Variants in MYO18B observed in about 807,000 individuals in gnomAD.
The protein encoded by MYO18B is unconventional myosin-XVIIIb.
MYO18B carries 204 observed loss-of-function variants against 273.0 expected under a neutral mutation model. The observed-to-expected ratio is 0.75, with a 90% CI of 0.67 to 0.84. MYO18B has a LOEUF of 0.84. Among genes scored for constraint, MYO18B ranks in the 40% least tolerant of loss-of-function variants. The pLI is 0.00. For missense variants in MYO18B, 3,212 were observed against 3,287.6 expected (o/e 0.98, Z 0.56); for synonymous variants, 1,330 against 1,305.7 (o/e 1.02, Z -0.40).
At chr22:25,836,661 TAAG>T (rs1244373640) in intron 17 of MYO18B, among the ~76,000 whole-genome samples, 5 of 152,092 alleles carry the variant, frequency 3.3e-5, no homozygotes, top group African/African-American at 9.7e-5. Flanking sequence ...ACTAGGCACT[TAAG>T]AAGGCAAATG....
At chr22:25,934,305 A>G (rs564819030) in intron 34 of MYO18B, among the ~76,000 whole-genome samples, 2 of 152,170 alleles carry the variant, frequency 1.3e-5, no homozygotes, top group Admixed American at 6.5e-5. Context: ...CTTGATTTTG[A>G]TGTAATCTAA....
At chr22:25,989,838 A>G (rs1488552858) in intron 39 of MYO18B, among the ~76,000 whole-genome samples, 3 of 151,134 alleles carry the variant, frequency 2.0e-5, no homozygotes, top group South Asian at 4.2e-4. Context: ...TTTTGCACCT[A>G]GCTGTTTTCT....
intron 40 of MYO18B, among the ~76,000 whole-genome samples, chr22:25,997,331 C>CAAAAAAAAAA (rs1182586585): frequency 1.3e-5 from 1 of 79,288 alleles, no homozygotes; most frequent in African/African-American, 5.3e-5. Context: ...AAAAAAAAAA[C>CAAAAAAAAAA]GAAGGAAAAA....
At chr22:25,809,383 A>G (rs2088630825) in intron 12 of MYO18B, among the ~76,000 whole-genome samples, 1 of 152,186 alleles carries the variant, frequency 6.6e-6, no homozygotes, top group South Asian at 2.1e-4. Context: ...GGAACTCAAA[A>G]TAGTGACAAG....
At chr22:25,835,203 G>T in intron 16 of MYO18B, 93 bp from the exon 17 acceptor site, 1 of 1,441,060 alleles carries the variant, frequency 6.9e-7, no homozygotes, top group Non-Finnish European at 9.2e-7. Flanking sequence ...TTGGGACTTG[G>T]ATGCTCTCAT....
At chr22:25,781,099 C>T (rs960972307) in intron 9 of MYO18B, among the ~76,000 whole-genome samples, 2 of 152,178 alleles carry the variant, frequency 1.3e-5, no homozygotes, top group African/African-American at 4.8e-5. Context: ...CCCTTAATCA[C>T]TATTTGGGTT....
the MYO18B span, among the ~76,000 whole-genome samples, chr22:26,037,002 C>T: frequency 2.0e-5 from 3 of 152,202 alleles, no homozygotes; most frequent in Non-Finnish European, 4.4e-5. Flanking sequence ...TGGGCTCTAT[C>T]TCCAAATACA....
At chr22:26,041,693 A>G in the MYO18B span, among the ~76,000 whole-genome samples, 1 of 152,146 alleles carries the variant, frequency 6.6e-6, no homozygotes, top group Non-Finnish European at 1.5e-5. Flanking sequence ...AATTAGGGAG[A>G]CCAGTTTGGA....
chr22:25,848,115 C>T (rs182112940), intron 20 of MYO18B, among the ~76,000 whole-genome samples: 3 of 152,138 alleles, frequency 2.0e-5, no homozygotes, highest in African/African-American at 7.2e-5. Context: ...CTGTGTCTTC[C>T]TTTTAGCCAT....
chr22:25,990,709 A>G (rs1601772924), intron 39 of MYO18B, among the ~76,000 whole-genome samples: 1 of 40,278 alleles, frequency 2.5e-5, no homozygotes, highest in South Asian at 6.0e-4. Context: ...AAAAAAAAAA[A>G]AAAAAAAAAA....
intron 34 of MYO18B, among the ~76,000 whole-genome samples, chr22:25,933,937 A>G: frequency 6.6e-6 from 1 of 152,210 alleles, no homozygotes; most frequent in Admixed American, 6.5e-5. Context: ...ACCTGTAGAC[A>G]TTTACATTCC....
intron 39 of MYO18B, among the ~76,000 whole-genome samples, chr22:25,989,666 C>T (rs776642788): frequency 2.9e-5 from 4 of 135,886 alleles, no homozygotes; most frequent in South Asian, 2.4e-4. Context: ...AGCGTGGTGG[C>T]AGGTGCCTGT....
the MYO18B span, among the ~76,000 whole-genome samples, chr22:26,059,620 T>C: frequency 6.6e-6 from 1 of 152,224 alleles, no homozygotes; most frequent in East Asian, 1.9e-4. Context: ...AGCAGCTGTC[T>C]GCACCACTTT....
chr22:25,988,693 G>T lies in MYO18B; in HGVS notation c.6157-3670G>T, dbSNP rs57973963. ...TCCACAGTGACCTGGGGATGACACT[G>T]TTCTTCCTGAGACTCCTTCTCCTAT... On this transcript the variant is annotated intron_variant, in intron 39 of 43. Coordinates refer to ENST00000335473, the MANE Select transcript of MYO18B (RefSeq NM_032608.7). Among the ~76,000 whole-genome samples, 209 of 152,290 alleles carry T rather than the reference G, an allele frequency of 1.4e-3. 3 individuals carry two copies. In the South Asian group the frequency reaches 0.025, roughly 18 times the overall value.
In MYO18B at chr22:25,890,834, G is replaced by A; in HGVS notation, c.4393G>A (p.Ala1465Thr). Residue 1465 changes from alanine (A) to threonine (T), a missense_variant, in exon 26 of 44, where the codon GCA (alanine) becomes ACA (threonine). Ala to Thr is a moderately conservative substitution (Grantham distance 58, BLOSUM62 0). Transcript: ENST00000335473. ...VACQVLESER[A>T]ERLQAFREVQ... ...CTGCCAGGTGCTGGAGAGTGAGCGG[G>A]CAGAGCGGCTACAGGCCTTCCGGGA... 1 of 1,613,966 alleles carries A rather than the reference G, an allele frequency of 6.2e-7. No individual in the cohort carries two copies. Among genetic ancestry groups the A allele is most frequent in the Non-Finnish European group, 8.5e-7 (1 of 1,179,892 alleles).
At chr22:25,928,238 C>T (rs2092448418) in intron 34 of MYO18B, among the ~76,000 whole-genome samples, 1 of 151,908 alleles carries the variant, frequency 6.6e-6, no homozygotes, top group South Asian at 2.1e-4. Context: ...TAGAAAGCTA[C>T]TGAGCAGAGG....
rs1039149387 is a variant in MYO18B at position 25,781,757 on chromosome 22, C to T, written c.2235C>T (p.Arg745=). The T allele has an allele frequency of 3.2e-6, 5 of 1,583,870 alleles. No individual in the cohort carries two copies. Among genetic ancestry groups the T allele is most frequent in the Non-Finnish European group, 2.6e-6 (3 of 1,166,310 alleles). ...AGACAATGCTTTTGGAGAAGAGCCGCGTGGCACGGCAGCCGGAAGGGGAAA... is the reference window on the plus strand; with the variant it reads ...AGACAATGCTTTTGGAGAAGAGCCGTGTGGCACGGCAGCCGGAAGGGGAAA... The part of the protein sequence containing the change: ...QLQTMLLEKS[R]VARQPEGESN... Residue 745 remains arginine, a synonymous_variant, in exon 10 of 44, where the codon CGC becomes CGT. Coordinates refer to ENST00000335473, the MANE Select transcript of MYO18B (RefSeq NM_032608.7).
chr22:25,782,242 G>A (rs867111536), intron 10 of MYO18B, among the ~76,000 whole-genome samples: 1 of 152,228 alleles, frequency 6.6e-6, no homozygotes, highest in African/African-American at 2.4e-5. Context: ...TAAATGCTGG[G>A]AGTCAAGGCT....
Position 25,994,389 on chromosome 22 carries a change from C to G in MYO18B, c.6287+1896C>G, listed in dbSNP as rs1008737723. Among the ~76,000 whole-genome samples the G allele has an allele frequency of 2.0e-4, 31 of 152,158 alleles. 1 individual carries two copies. The highest frequency in any genetic ancestry group is 1.8e-3 in the Admixed American group (28 of 15,278). On this transcript the variant is annotated intron_variant, in intron 40 of 43. Transcript: ENST00000335473. Reference sequence around the variant, plus strand: ...GCTGAGGTAGGAGGATCATTTCAACCCAGAAGTTTGAGGCTGTGGTGAGCT... The same window carrying G: ...GCTGAGGTAGGAGGATCATTTCAACGCAGAAGTTTGAGGCTGTGGTGAGCT...
Sources: allele counts gnomAD v4.1 joint callset (sites outside exome capture counted in the v4.1 genomes callset), GRCh38; gene constraint gnomAD v4.1.1; transcripts MANE v1.5; gene names NCBI Gene and HGNC (gene_info 2026-07-23, HGNC 2026-07-21).